Variants in CFAP96 observed in about 807,000 individuals in gnomAD.
CFAP96 encodes cilia-and flagella-associated protein 96.
At chr4:185,409,587 A>G in the CFAP96 span, among the ~76,000 whole-genome samples, 1 of 152,230 alleles carries the variant, frequency 6.6e-6, no homozygotes, top group Admixed American at 6.5e-5. Flanking sequence ...ATTCTGCCCA[A>G]GCACAGATAG....
chr4:185,445,679 C>A, the CFAP96 span: 1 of 568,030 alleles, frequency 1.8e-6, no homozygotes, highest in Non-Finnish European at 3.0e-6. Context: ...TGAAAAAGTT[C>A]TTTGGAGTAA....
chr4:185,432,122 G>A, the CFAP96 span: 70 of 1,551,824 alleles, frequency 4.5e-5, no homozygotes, highest in African/African-American at 8.7e-4. Context: ...TCTGAATCAA[G>A]TGAGGAGACG....
At chr4:185,449,210 T>C in the CFAP96 span, among the ~76,000 whole-genome samples, 61,442 of 152,044 alleles carry the variant, frequency 0.4, 13,286 homozygotes, top group East Asian at 0.52. Context: ...AATTTTTTAA[T>C]GAAAATAGTT....
At chr4:185,411,131 T>TA in the CFAP96 span, among the ~76,000 whole-genome samples, 47 of 148,896 alleles carry the variant, frequency 3.2e-4, no homozygotes, top group Middle Eastern at 7.0e-3. Context: ...TTTTTTTTTT[T>TA]TAAAAGACAC....
the CFAP96 span, among the ~76,000 whole-genome samples, chr4:185,433,763 G>A: frequency 4.1e-3 from 622 of 152,020 alleles, 3 homozygotes; most frequent in African/African-American, 0.014. Flanking sequence ...TTAGCCGGGC[G>A]TGGTGGTGGG....
chr4:185,419,938 A>C, the CFAP96 span, among the ~76,000 whole-genome samples: 2 of 152,196 alleles, frequency 1.3e-5, no homozygotes, highest in East Asian at 3.8e-4. Context: ...CCTAGAATAG[A>C]ATTTCTGAAT....
At chr4:185,425,165 G>A in the CFAP96 span, among the ~76,000 whole-genome samples, 1 of 152,170 alleles carries the variant, frequency 6.6e-6, no homozygotes, top group African/African-American at 2.4e-5. Context: ...GTTGAGAAGA[G>A]GGAGATGTCA....
chr4:185,411,740 T>C, the CFAP96 span, among the ~76,000 whole-genome samples: 1 of 152,174 alleles, frequency 6.6e-6, no homozygotes, highest in Non-Finnish European at 1.5e-5. Flanking sequence ...TCGAGAGGTA[T>C]AGGAATGTTC....
At chr4:185,436,328 A>G in the CFAP96 span, 1 of 1,551,014 alleles carries the variant, frequency 6.4e-7, no homozygotes, top group Non-Finnish European at 8.7e-7. Flanking sequence ...CACTCTGCCG[A>G]CTTCTATGAT....
the CFAP96 span, chr4:185,445,427 A>G: frequency 3.2e-5 from 33 of 1,034,430 alleles, no homozygotes; most frequent in Non-Finnish European, 4.4e-5. Flanking sequence ...TGAGTTAGAT[A>G]TGCATAGTTC....
chr4:185,445,676 G>T, the CFAP96 span: 2 of 565,904 alleles, frequency 3.5e-6, no homozygotes, highest in South Asian at 2.5e-5. Flanking sequence ...AACTGAAAAA[G>T]TTCTTTGGAG....
At chr4:185,430,792 A>G in the CFAP96 span, among the ~76,000 whole-genome samples, 1 of 152,030 alleles carries the variant, frequency 6.6e-6, no homozygotes, top group Non-Finnish European at 1.5e-5. Context: ...AGTCTCAGCT[A>G]CTTGGGAGGC....
the CFAP96 span, among the ~76,000 whole-genome samples, chr4:185,421,097 A>G: frequency 2.0e-5 from 3 of 152,214 alleles, no homozygotes; most frequent in African/African-American, 7.2e-5. Context: ...TCTCATCTTA[A>G]TGGCACATTA....
the CFAP96 span, chr4:185,413,751 T>C: frequency 6.2e-7 from 1 of 1,612,952 alleles, no homozygotes; most frequent in East Asian, 2.2e-5. Context: ...GTTAGGTGGA[T>C]TAAGGTAAGT....
chr4:185,415,922 AGAGT>A, the CFAP96 span: 300 of 1,410,472 alleles, frequency 2.1e-4, no homozygotes, highest in Non-Finnish European at 2.7e-4. Context: ...CTAAATATAA[AGAGT>A]AAGTAAAAAG....
chr4:185,425,969 G>C, the CFAP96 span: 2 of 1,391,484 alleles, frequency 1.4e-6, no homozygotes, highest in Admixed American at 4.1e-5. Flanking sequence ...CGGGGCCCGG[G>C]CGGACCAACT....
chr4:185,411,328 A>G, the CFAP96 span, among the ~76,000 whole-genome samples: 5 of 152,214 alleles, frequency 3.3e-5, 1 homozygote, highest in South Asian at 4.1e-4. Context: ...AGTTTTACCA[A>G]ATGACCAAGG....
At chr4:185,428,301 C>T in the CFAP96 span, among the ~76,000 whole-genome samples, 16 of 151,590 alleles carry the variant, frequency 1.1e-4, no homozygotes, top group Admixed American at 5.3e-4. Flanking sequence ...TGGCCGGGCG[C>T]GGTGGCTCAT....
the CFAP96 span, among the ~76,000 whole-genome samples, chr4:185,422,853 C>T: frequency 1.3e-5 from 2 of 151,692 alleles, no homozygotes; most frequent in South Asian, 4.2e-4. Context: ...AAGGCCTAGG[C>T]ACAGGGATTT....
Sources: gnomAD v4.1 joint callset for allele counts (sites outside exome capture counted in the v4.1 genomes callset) on GRCh38, gnomAD v4.1.1 for gene constraint, MANE v1.5 for transcripts, NCBI Gene and HGNC (gene_info 2026-07-23, HGNC 2026-07-21) for gene names.